Variants in SRPK2 observed in about 807,000 individuals in gnomAD.
SRPK2 encodes the protein SFRS protein kinase 2.
A neutral mutation model predicts 90.8 loss-of-function variants in SRPK2; 21 were observed. The ratio of observed to expected loss-of-function variants is 0.23; its 90% CI spans 0.16 to 0.33. The LOEUF (loss-of-function observed/expected upper bound fraction) is 0.33, where lower values mean the gene tolerates loss of function less well. Ranked by LOEUF, SRPK2 falls within the 10% of genes least tolerant of loss-of-function variation. SRPK2 has a pLI of 1.00. For synonymous variants in SRPK2, 288 were observed against 311.1 expected (o/e 0.93, Z 0.78); for missense variants, 620 against 869.0 (o/e 0.71, Z 3.60).
intron 15 of SRPK2, among the ~76,000 whole-genome samples, chr7:105,119,213 A>G (rs1457175378): frequency 6.6e-6 from 1 of 151,934 alleles, no homozygotes; most frequent in East Asian, 1.9e-4. Flanking sequence ...TAAACAAGGT[A>G]CATTTTTTTC....
intron 2 of SRPK2, among the ~76,000 whole-genome samples, chr7:105,214,879 T>A (rs769863255): frequency 6.6e-6 from 1 of 152,126 alleles, no homozygotes; most frequent in Non-Finnish European, 1.5e-5. Flanking sequence ...GGTCCCAGAA[T>A]AGTCAAACAA....
At chr7:105,269,726 C>T (rs1805579848) in intron 2 of SRPK2, among the ~76,000 whole-genome samples, 1 of 152,188 alleles carries the variant, frequency 6.6e-6, no homozygotes, top group East Asian at 1.9e-4. Context: ...AGGAGACAAT[C>T]TAACACGTTT....
chr7:105,176,557 ATGTGTGTG>A (rs10691783), intron 3 of SRPK2, among the ~76,000 whole-genome samples: 2 of 148,030 alleles, frequency 1.4e-5, no homozygotes, highest in Admixed American at 6.7e-5. Flanking sequence ...TTTTGCATAT[ATGTGTGTG>A]TGTGTGTGTG....
At chr7:105,133,815 G>A (rs1046163194) in intron 11 of SRPK2, among the ~76,000 whole-genome samples, 2 of 152,172 alleles carry the variant, frequency 1.3e-5, no homozygotes, top group Non-Finnish European at 2.9e-5. Flanking sequence ...TCATGTACAT[G>A]AGCAGTCATT....
At chr7:105,324,409 G>C (rs1215031300) in intron 2 of SRPK2, among the ~76,000 whole-genome samples, 2 of 151,798 alleles carry the variant, frequency 1.3e-5, no homozygotes, top group Admixed American at 6.6e-5. Flanking sequence ...TGCAACCTCT[G>C]CCTCCCAAGT....
At chr7:105,366,572 A>C (rs1042708432) in intron 2 of SRPK2, among the ~76,000 whole-genome samples, 2 of 150,998 alleles carry the variant, frequency 1.3e-5, no homozygotes, top group African/African-American at 4.9e-5. Context: ...GTTTCACCAT[A>C]TTGGGCCAGG....
intron 3 of SRPK2, among the ~76,000 whole-genome samples, chr7:105,200,333 C>T (rs541437355): frequency 7.8e-4 from 119 of 151,928 alleles, no homozygotes; most frequent in African/African-American, 2.8e-3. Context: ...GATCAAAGAA[C>T]GATTGAGGCA....
At chr7:105,219,910 G>A (rs767093853) in intron 2 of SRPK2, among the ~76,000 whole-genome samples, 6 of 151,508 alleles carry the variant, frequency 4.0e-5, no homozygotes, top group Non-Finnish European at 8.8e-5. Context: ...AGGAGTTCAT[G>A]AGTAAAGAAT....
intron 3 of SRPK2, among the ~76,000 whole-genome samples, chr7:105,202,306 T>C (rs1029478095): frequency 7.2e-5 from 11 of 152,200 alleles, no homozygotes; most frequent in African/African-American, 2.7e-4. Flanking sequence ...TATTAAGACA[T>C]ATGGAACCCA....
At chr7:105,151,778 C>T (rs1805703113) in intron 7 of SRPK2, among the ~76,000 whole-genome samples, 1 of 152,114 alleles carries the variant, frequency 6.6e-6, no homozygotes, top group African/African-American at 2.4e-5. Context: ...AATCCCAGCA[C>T]TTTGGGAGGT....
intron 3 of SRPK2, among the ~76,000 whole-genome samples, chr7:105,170,737 AAGAAAGGG>A (rs1193565415): frequency 8.6e-6 from 1 of 116,938 alleles, no homozygotes; most frequent in Non-Finnish European, 1.7e-5. Flanking sequence ...AAAGAAAGGG[AAGAAAGGG>A]AGGAAGGAAG....
rs1563315577 is a variant in SRPK2 at position 105,383,052 on chromosome 7, A to ATTTTTTTTTTTT, written c.71+5595_71+5596insAAAAAAAAAAAA. On this transcript the variant is annotated intron_variant, in intron 2 of 15. Coordinates refer to ENST00000393651, the MANE Select transcript of SRPK2 (RefSeq NM_182692.3). Reference sequence around the variant, plus strand: ...AGTCTGAAATTATTTCAAAAGTAAAAATTTTTTTTTTTTTTTTTTTTTTTT... The same window carrying ATTTTTTTTTTTT: ...AGTCTGAAATTATTTCAAAAGTAAAATTTTTTTTTTTTATTTTTTTTTTTTTTTTTTTTTTTT... 2.1e-4 allele frequency among the ~76,000 whole-genome samples: 22 copies of ATTTTTTTTTTTT among 105,318 alleles called. 5 individuals are homozygous for ATTTTTTTTTTTT. Among genetic ancestry groups the ATTTTTTTTTTTT allele is most frequent in the African/African-American group, 6.8e-4 (18 of 26,552 alleles). The allele number at this position is 105,318 out of a possible 152,430, so 69.1% of individuals were successfully genotyped here.
chr7:105,147,888 C>T (rs1252820262), intron 7 of SRPK2, among the ~76,000 whole-genome samples: 2 of 152,166 alleles, frequency 1.3e-5, no homozygotes, highest in African/African-American at 2.4e-5. Flanking sequence ...GGAGATACAA[C>T]ATTGTGTTTA....
intron 2 of SRPK2, among the ~76,000 whole-genome samples, chr7:105,359,138 T>A (rs1818136686): frequency 7.6e-6 from 1 of 132,250 alleles, no homozygotes; most frequent in Non-Finnish European, 1.6e-5. Flanking sequence ...ACAAACCATA[T>A]CCAAACCACA....
intron 3 of SRPK2, among the ~76,000 whole-genome samples, chr7:105,196,561 C>T (rs544907322): frequency 2.6e-5 from 4 of 152,300 alleles, no homozygotes; most frequent in East Asian, 3.9e-4. Flanking sequence ...AGTAGCAGCC[C>T]GTCACGGCAA....
intron 2 of SRPK2, among the ~76,000 whole-genome samples, chr7:105,251,469 G>C (rs571813579): frequency 6.6e-6 from 1 of 152,284 alleles, no homozygotes; most frequent in African/African-American, 2.4e-5. Context: ...CTCCCAAAGT[G>C]CTGGGATTAC....
At chr7:105,255,076 T>C (rs1803063609) in intron 2 of SRPK2, among the ~76,000 whole-genome samples, 1 of 144,932 alleles carries the variant, frequency 6.9e-6, no homozygotes, top group Non-Finnish European at 1.5e-5. Flanking sequence ...GATTAACAGC[T>C]CAGTGCCTTA....
At chr7:105,135,298 C>T (rs1005870945) in intron 11 of SRPK2, among the ~76,000 whole-genome samples, 2 of 152,150 alleles carry the variant, frequency 1.3e-5, no homozygotes, top group Admixed American at 6.5e-5. Context: ...CCTTCCCCAC[C>T]GAAGACACTA....
At chr7:105,133,340 C>A (rs138545872) in intron 11 of SRPK2, among the ~76,000 whole-genome samples, 16 of 152,324 alleles carry the variant, frequency 1.1e-4, no homozygotes, top group African/African-American at 3.8e-4. Context: ...ACTGCCTTGA[C>A]CTTTCTCTTT....
Sources: gnomAD v4.1 joint callset for allele counts (sites outside exome capture counted in the v4.1 genomes callset) on GRCh38, gnomAD v4.1.1 for gene constraint, MANE v1.5 for transcripts, NCBI Gene and HGNC (gene_info 2026-07-23, HGNC 2026-07-21) for gene names.